SORCS2: variants seen among roughly 807,000 people sequenced by gnomAD.
SORCS2 encodes the protein sortilin related VPS10 domain containing receptor 2.
Under a neutral mutation model 141.6 loss-of-function variants are expected in SORCS2, and 100 were observed. That is an observed-to-expected ratio of 0.71 (90% CI 0.60 to 0.83). The LOEUF (loss-of-function observed/expected upper bound fraction) is 0.83. Ranked by LOEUF, SORCS2 falls within the 40% of genes least tolerant of loss-of-function variation. SORCS2 has a pLI of 0.00. For synonymous variants in SORCS2, 789 were observed against 676.9 expected (o/e 1.17, Z -2.57); for missense variants, 1,646 against 1,560.2 (o/e 1.05, Z -0.93).
chr4:7,630,914 T>A (rs1719848377), intron 3 of SORCS2, among the ~76,000 whole-genome samples: 1 of 151,880 alleles, frequency 6.6e-6, no homozygotes, highest in South Asian at 2.1e-4. Context: ...CTAAACTTGG[T>A]AAAGGGCAGA....
In SORCS2 at chr4:7,230,548, G is replaced by C. The variant is rs1227092553; in HGVS notation, c.480+37422G>C. Among the ~76,000 whole-genome samples, 3 of 144,578 alleles carry C rather than the reference G, an allele frequency of 2.1e-5. No homozygotes were observed. The East Asian group carries it at 6.4e-4, about 31-fold the overall frequency. 94.8% of individuals were successfully genotyped at this position (144,578 alleles called of 152,430 possible). ...GTCAAGTCTTCCAGTGTCTGGGCAG[G>C]AGTAGTGTCATGTGCTCATGTATGA... is the stretch of plus-strand genomic sequence containing the variant. On this transcript the variant is annotated intron_variant, in intron 1 of 26. Coordinates refer to ENST00000507866, the MANE Select transcript of SORCS2 (RefSeq NM_020777.3).
intron 1 of SORCS2, among the ~76,000 whole-genome samples, chr4:7,350,188 C>A (rs182022020): frequency 6.6e-6 from 1 of 152,206 alleles, no homozygotes; most frequent in Non-Finnish European, 1.5e-5. Context: ...CCACTCTGTG[C>A]GAATTTCCCT....
intron 2 of SORCS2, among the ~76,000 whole-genome samples, chr4:7,449,638 G>A (rs76135782): frequency 0.018 from 2,789 of 151,934 alleles, 63 homozygotes; most frequent in African/African-American, 0.057. Context: ...ATGGATTCAC[G>A]TTGGGTGGGC....
rs60743096 is a variant in SORCS2, at chr4:7,529,363, T to A, written c.549-2167T>A. On this transcript the variant is annotated intron_variant, in intron 2 of 26. Transcript: ENST00000507866. ...TGATGCTGTTGTATTTTTGCTTCTT[T>A]CCTTATCGTCCATCTGCCTCCTTCC... is the stretch of plus-strand genomic sequence containing the variant. Among the ~76,000 whole-genome samples, 1,329 of 152,272 alleles carry A rather than the reference T, an allele frequency of 8.7e-3. 23 individuals carry two copies. The highest frequency in any genetic ancestry group is 0.03 in the African/African-American group (1,257 of 41,542).
intron 1 of SORCS2, among the ~76,000 whole-genome samples, chr4:7,260,245 G>T (rs1382779510): frequency 1.3e-5 from 2 of 152,216 alleles, no homozygotes; most frequent in African/African-American, 2.4e-5. Flanking sequence ...CTGGCCAGTT[G>T]CCCCCTGAGG....
chr4:7,666,917 G>A (rs1170696274), intron 7 of SORCS2, among the ~76,000 whole-genome samples: 2 of 152,092 alleles, frequency 1.3e-5, no homozygotes, highest in Non-Finnish European at 2.9e-5. Flanking sequence ...TCTGACTGAA[G>A]GAAGCAGAAG....
chr4:7,600,002 A>C (rs1261428774), intron 3 of SORCS2, among the ~76,000 whole-genome samples: 1 of 151,730 alleles, frequency 6.6e-6, no homozygotes, highest in East Asian at 1.9e-4. Flanking sequence ...TTTTATATTT[A>C]GTAGAGACAG....
intron 3 of SORCS2, among the ~76,000 whole-genome samples, chr4:7,532,803 T>C (rs915559911): frequency 3.3e-5 from 5 of 152,212 alleles, no homozygotes; most frequent in African/African-American, 1.2e-4. Flanking sequence ...CAGGTTGCTT[T>C]GCTGTTTTTG....
intron 1 of SORCS2, among the ~76,000 whole-genome samples, chr4:7,296,169 C>A (rs1255777959): frequency 1.3e-5 from 2 of 152,350 alleles, no homozygotes; most frequent in East Asian, 3.9e-4. Flanking sequence ...TTCTGTGGCT[C>A]CTTGGGGTGC....
chr4:7,536,362 C>T (rs1328338281), intron 3 of SORCS2, among the ~76,000 whole-genome samples: 1 of 152,344 alleles, frequency 6.6e-6, no homozygotes, highest in East Asian at 1.9e-4. Context: ...GGAACTCGGG[C>T]TGATTTGGTT....
intron 2 of SORCS2, among the ~76,000 whole-genome samples, chr4:7,472,925 A>AAAC (rs1333961528): frequency 6.6e-6 from 1 of 151,894 alleles, no homozygotes; most frequent in African/African-American, 2.4e-5. Flanking sequence ...TCATAAAAAA[A>AAAC]AAAACAAAAT....
rs1724172617 is a variant in SORCS2 at position 7,690,524 on chromosome 4, T to C, written c.1591+936T>C. Among the ~76,000 whole-genome samples the C allele has an allele frequency of 2.6e-5, 4 of 151,208 alleles. No homozygotes were observed. In the South Asian group the frequency reaches 8.4e-4, roughly 32 times the overall value. On this transcript the variant is annotated intron_variant, in intron 11 of 26. Coordinates refer to ENST00000507866, the MANE Select transcript of SORCS2 (RefSeq NM_020777.3). The stretch of plus-strand genomic sequence containing the variant: ...GATGCTGAATGGATGGATGGATAGA[T>C]GAATGGATGGATGATGCATGATGGA...
intron 1 of SORCS2, among the ~76,000 whole-genome samples, chr4:7,263,313 A>C (rs1200263623): frequency 1.3e-5 from 2 of 152,188 alleles, no homozygotes; most frequent in African/African-American, 4.8e-5. Context: ...GAGGCTGAGG[A>C]GTCCCGGTCC....
chr4:7,371,523 A>G (rs1429123577), intron 1 of SORCS2, among the ~76,000 whole-genome samples: 1 of 152,170 alleles, frequency 6.6e-6, no homozygotes, highest in African/African-American at 2.4e-5. Context: ...TCTGATACAG[A>G]AAAAAATGAG....
chr4:7,631,647 G>A (rs1029667559), intron 3 of SORCS2, among the ~76,000 whole-genome samples: 10 of 151,572 alleles, frequency 6.6e-5, no homozygotes, highest in Non-Finnish European at 1.0e-4. Flanking sequence ...TGACCCCCCC[G>A]GGGGGGCAGA....
At chr4:7,689,412 T>A in intron 10 of SORCS2, 74 bp from the exon 11 acceptor site, 1 of 1,426,096 alleles carries the variant, frequency 7.0e-7, no homozygotes, top group Non-Finnish European at 9.5e-7. Context: ...GGGGCAGATT[T>A]GTCATCAGGC....
intron 1 of SORCS2, among the ~76,000 whole-genome samples, chr4:7,210,895 A>G (rs571481750): frequency 1.3e-5 from 2 of 152,252 alleles, no homozygotes; most frequent in Admixed American, 1.3e-4. Flanking sequence ...CTTTTGGGAA[A>G]GGCAGGCAGG....
chr4:7,670,177 A>G (rs1052898186), intron 8 of SORCS2, among the ~76,000 whole-genome samples: 2 of 152,228 alleles, frequency 1.3e-5, no homozygotes, highest in African/African-American at 4.8e-5. Context: ...TAGCTTTGCC[A>G]TGTTTTTCTA....
chr4:7,475,896 G>A (rs1256416161), intron 2 of SORCS2, among the ~76,000 whole-genome samples: 1 of 152,208 alleles, frequency 6.6e-6, no homozygotes, highest in African/African-American at 2.4e-5. Flanking sequence ...TGGGTTCTTG[G>A]ATCTGGTGCC....
Sources: allele counts gnomAD v4.1 joint callset (sites outside exome capture counted in the v4.1 genomes callset), GRCh38; gene constraint gnomAD v4.1.1; transcripts MANE v1.5; gene names NCBI Gene and HGNC (gene_info 2026-07-23, HGNC 2026-07-21).